Variants in PAK1IP1 observed in about 807,000 individuals in gnomAD.
The protein encoded by PAK1IP1 is p21-activated protein kinase-interacting protein 1.
In PAK1IP1, 24 loss-of-function variants were observed where a neutral mutation model predicts 42.0. The observed-to-expected ratio is 0.57, with a 90% CI of 0.41 to 0.80. The LOEUF (loss-of-function observed/expected upper bound fraction) is 0.80. Ranked by LOEUF, PAK1IP1 falls within the 30% of genes least tolerant of loss-of-function variation. PAK1IP1 has a pLI of 0.00. For synonymous variants in PAK1IP1, 154 were observed against 156.7 expected (o/e 0.98, Z 0.13); for missense variants, 411 against 467.9 (o/e 0.88, Z 1.12).
chr6:10,702,350 T>C lies in PAK1IP1; in HGVS notation c.248-19T>C, dbSNP rs1318591885. 1.2e-6 allele frequency: 2 copies of C among 1,604,692 alleles called. No individual in the cohort carries two copies. Among genetic ancestry groups the C allele is most frequent in the Non-Finnish European group, 1.7e-6 (2 of 1,171,770 alleles). ...ATTTAAAATGAATATTATTTTTGCCTATTTTGGTTTTTCCATAGGTACAAT... is the reference window on the plus strand; with the variant it reads ...ATTTAAAATGAATATTATTTTTGCCCATTTTGGTTTTTCCATAGGTACAAT... On this transcript the variant is annotated intron_variant, in intron 2 of 9. Transcript: ENST00000379568.
chr6:10,706,881 G>A (rs1309715982), intron 7 of PAK1IP1, among the ~76,000 whole-genome samples: 8 of 150,876 alleles, frequency 5.3e-5, no homozygotes, highest in African/African-American at 2.0e-4. Flanking sequence ...GATAGAGCAA[G>A]GCTCCATCTC....
chr6:10,696,848 C>T (rs1050230867), intron 1 of PAK1IP1, among the ~76,000 whole-genome samples: 7 of 152,244 alleles, frequency 4.6e-5, no homozygotes, highest in Non-Finnish European at 5.9e-5. Flanking sequence ...GTGGGAGAAT[C>T]GCAGTTCATT....
chr6:10,704,498 C>A lies in PAK1IP1; in HGVS notation c.497-9C>A. The A allele has an allele frequency of 1.3e-6, 2 of 1,498,874 alleles. No homozygotes were observed. Among genetic ancestry groups the A allele is most frequent in the Non-Finnish European group, 1.8e-6 (2 of 1,115,472 alleles). 92.8% of individuals were successfully genotyped at this position (1,498,874 alleles called of 1,614,324 possible). On this transcript the variant is annotated splice_polypyrimidine_tract_variant and intron_variant, in intron 5 of 9. Transcript: ENST00000379568. ...AAAATAAATAAACTTCGTTTTTTTCCACTTACAGATGCTCACATAGTAGAA... is the reference window on the plus strand; with the variant it reads ...AAAATAAATAAACTTCGTTTTTTTCAACTTACAGATGCTCACATAGTAGAA...
chr6:10,709,595 G>GT lies in PAK1IP1; in HGVS notation c.*151dup, dbSNP rs1296727297. 8.7e-4 allele frequency: 253 copies of GT among 289,640 alleles called. 1 individual carries two copies. Among genetic ancestry groups the GT allele is most frequent in the Middle Eastern group, 1.9e-3 (2 of 1,038 alleles). 17.9% of individuals were successfully genotyped at this position (289,640 alleles called of 1,614,324 possible). On this transcript the variant is annotated 3_prime_UTR_variant, in exon 10 of 10. Coordinates refer to ENST00000379568, the MANE Select transcript of PAK1IP1 (RefSeq NM_017906.3). ...TATATTAAAAAACCACTTTTAGATG[G>GT]TTTTTTTTAAAAAAAAAAAAAAAAC...
At chr6:10,704,871 T>G (rs769290083) in intron 7 of PAK1IP1, 27 bp downstream of exon 7, 10 of 1,348,498 alleles carry the variant, frequency 7.4e-6, no homozygotes, top group Non-Finnish European at 1.1e-5. Flanking sequence ...TTGGTGTATA[T>G]GTCTAGTCTT....
At chr6:10,702,279 G>T in intron 2 of PAK1IP1, 90 bp from the exon 3 acceptor site, 3 of 1,029,436 alleles carry the variant, frequency 2.9e-6, no homozygotes, top group Non-Finnish European at 4.3e-6. Context: ...GGTATTGAGT[G>T]TTTTACTTAG....
At chr6:10,706,885 C>G (rs1340122177) in intron 7 of PAK1IP1, among the ~76,000 whole-genome samples, 1 of 149,738 alleles carries the variant, frequency 6.7e-6, no homozygotes, top group African/African-American at 2.5e-5. Context: ...GAGCAAGGCT[C>G]CATCTCAAAA....
rs1770315035 is a variant in PAK1IP1, at chr6:10,709,493, A to G, written c.*41A>G. On this transcript the variant is annotated 3_prime_UTR_variant, in exon 10 of 10. Transcript: ENST00000379568. ...TGAAAGAACTCTTTTAGATGAAATC[A>G]TTCTACTCAAATGTACCTTAATTTT... is the stretch of plus-strand genomic sequence containing the variant. 1.4e-6 allele frequency: 2 copies of G among 1,396,430 alleles called. No individual in the cohort carries two copies. Among genetic ancestry groups the G allele is most frequent in the Non-Finnish European group, 2.0e-6 (2 of 1,017,382 alleles). 86.5% of individuals were successfully genotyped at this position (1,396,430 alleles called of 1,614,324 possible). A position where few individuals can be genotyped will look rare whatever the true frequency, so the allele number is the denominator to read the frequency against.
upstream of PAK1IP1, among the ~76,000 whole-genome samples, chr6:10,693,699 GA>G (rs1769562555): frequency 6.6e-6 from 1 of 152,194 alleles, no homozygotes; most frequent in African/African-American, 2.4e-5. Flanking sequence ...TAATGTCTAA[GA>G]CATACCTGAA....
chr6:10,700,216 G>A (rs1341831271), intron 2 of PAK1IP1, among the ~76,000 whole-genome samples: 1 of 151,878 alleles, frequency 6.6e-6, no homozygotes, highest in Non-Finnish European at 1.5e-5. Context: ...CTGCCACCAC[G>A]CCCAGCTAAT....
chr6:10,698,085 G>C (rs75780785), intron 2 of PAK1IP1, among the ~76,000 whole-genome samples: 1,801 of 152,278 alleles, frequency 0.012, 33 homozygotes, highest in African/African-American at 0.041. Flanking sequence ...GGACATTCCA[G>C]GCAGAGCCGG....
intron 9 of PAK1IP1, 68 bp downstream of exon 9, chr6:10,709,144 G>C: frequency 6.6e-7 from 1 of 1,520,186 alleles, no homozygotes; most frequent in Non-Finnish European, 9.0e-7. Flanking sequence ...AAGTGGAGGA[G>C]ATCCAGATAA....
rs769764649 is a variant in PAK1IP1 at position 10,709,219 on chromosome 6, A to G, written c.965-19A>G. ...GGGAAAACAGTCTTTTTTTAAAAGC[A>G]CTCTCTTTTGTGTTTTAGTAAGTAA... On this transcript the variant is annotated intron_variant, in intron 9 of 9. Transcript: ENST00000379568. 6.3e-7 allele frequency: 1 copy of G among 1,581,390 alleles called. No individual in the cohort carries two copies. The highest frequency in any genetic ancestry group is 2.2e-5 in the East Asian group (1 of 44,672).
At chr6:10,702,700 C>A in intron 4 of PAK1IP1, 61 bp downstream of exon 4, 1 of 1,181,970 alleles carries the variant, frequency 8.5e-7, no homozygotes, top group African/African-American at 1.5e-5. Context: ...AGCTCTCCAC[C>A]ATCTAAAAAT....
At chr6:10,703,994 T>G (rs1035243159) in intron 5 of PAK1IP1, among the ~76,000 whole-genome samples, 1 of 152,006 alleles carries the variant, frequency 6.6e-6, no homozygotes, top group East Asian at 1.9e-4. Flanking sequence ...ATTTTTATTT[T>G]GTTTCATTTT....
chr6:10,694,979 C>T lies in PAK1IP1; in HGVS notation c.-7C>T. 3.1e-6 allele frequency: 5 copies of T among 1,593,446 alleles called. No individual in the cohort carries two copies. Among genetic ancestry groups the T allele is most frequent in the Non-Finnish European group, 4.3e-6 (5 of 1,176,038 alleles). ...CGGGCTGGCGGAAGAGGCACGTGCGCTGCTGAATGGAGCTGGTCGCTGGTT... is the reference window on the plus strand; with the variant it reads ...CGGGCTGGCGGAAGAGGCACGTGCGTTGCTGAATGGAGCTGGTCGCTGGTT... On this transcript the variant is annotated 5_prime_UTR_variant, in exon 1 of 10. Coordinates refer to ENST00000379568, the MANE Select transcript of PAK1IP1 (RefSeq NM_017906.3).
At chr6:10,695,852 A>G (rs986096931) in intron 1 of PAK1IP1, among the ~76,000 whole-genome samples, 3 of 151,434 alleles carry the variant, frequency 2.0e-5, no homozygotes, top group African/African-American at 4.9e-5. Context: ...ATTTGGAAGT[A>G]TATCACTTGG....
upstream of PAK1IP1, among the ~76,000 whole-genome samples, chr6:10,690,958 G>C (rs1335361411): frequency 1.3e-5 from 2 of 152,276 alleles, no homozygotes; most frequent in East Asian, 3.9e-4. Flanking sequence ...CGCAATCTAA[G>C]ACCTGAAACT....
At chr6:10,698,747 A>G (rs951792431) in intron 2 of PAK1IP1, among the ~76,000 whole-genome samples, 2 of 152,226 alleles carry the variant, frequency 1.3e-5, no homozygotes, top group Non-Finnish European at 2.9e-5. Context: ...CGGATTGAGT[A>G]ACATCAGTTT....
Sources: gnomAD v4.1 joint callset for allele counts (sites outside exome capture counted in the v4.1 genomes callset) on GRCh38, gnomAD v4.1.1 for gene constraint, MANE v1.5 for transcripts, NCBI Gene and HGNC (gene_info 2026-07-23, HGNC 2026-07-21) for gene names.